The following RBM27 variants were observed in gnomAD, a reference collection of about 807,000 sequenced individuals.
RBM27 encodes RNA binding motif protein 27.
A neutral mutation model predicts 135.3 loss-of-function variants in RBM27; 22 were observed. That is an observed-to-expected ratio of 0.16 (90% CI 0.12 to 0.23). The LOEUF (loss-of-function observed/expected upper bound fraction) is 0.23. Among genes scored for constraint, RBM27 ranks in the 10% least tolerant of loss-of-function variants. The pLI, the probability that RBM27 is intolerant of heterozygous loss-of-function variation, is 1.00. For synonymous variants in RBM27, 481 were observed against 442.4 expected, an observed-to-expected ratio of 1.09 and a Z score of -1.10; for missense variants, 1,009 against 1,281.0, an observed-to-expected ratio of 0.79 and a Z score of 3.24.
intron 2 of RBM27, among the ~76,000 whole-genome samples, chr5:146,219,483 A>G (rs1756349188): frequency 6.6e-6 from 1 of 152,128 alleles, no homozygotes; most frequent in Non-Finnish European, 1.5e-5. Context: ...GGGCTTCTTA[A>G]TATCCAAGAA....
intron 12 of RBM27, among the ~76,000 whole-genome samples, chr5:146,261,108 A>G (rs147270106): frequency 6.6e-6 from 1 of 152,298 alleles, no homozygotes; most frequent in Non-Finnish European, 1.5e-5. Context: ...CTTTTCTGCA[A>G]TCTCTTCCTG....
At chr5:146,279,460 CAAAA>C (rs151135547) in intron 19 of RBM27, among the ~76,000 whole-genome samples, 1 of 131,710 alleles carries the variant, frequency 7.6e-6, no homozygotes. Flanking sequence ...AACAAAAAAA[CAAAA>C]AAAAAACAAA....
chr5:146,264,964 C>A lies in RBM27; in HGVS notation c.2331+1333C>A, dbSNP rs535706652. Among the ~76,000 whole-genome samples the A allele has an allele frequency of 2.5e-3, 380 of 152,070 alleles. 4 individuals are homozygous for A. Among genetic ancestry groups the A allele is most frequent in the African/African-American group, 8.8e-3 (367 of 41,512 alleles). On this transcript the variant is annotated intron_variant, in intron 14 of 20. Transcript: ENST00000265271. Reference sequence around the variant, plus strand: ...ATTATATCATAAACCAGTATAAATTCCAAATGGATCTGAGATTTAGATGCT... The same window carrying A: ...ATTATATCATAAACCAGTATAAATTACAAATGGATCTGAGATTTAGATGCT...
At chr5:146,231,937 AGT>A (rs1756951642) in intron 6 of RBM27, among the ~76,000 whole-genome samples, 1 of 152,138 alleles carries the variant, frequency 6.6e-6, no homozygotes, top group Non-Finnish European at 1.5e-5. Flanking sequence ...TTTTTTGAGT[AGT>A]GTTTGCTGCC....
At position 146,270,504 on chromosome 5, in the gene RBM27, G is replaced by A. The variant is rs996536084; in HGVS notation, c.2692-450G>A. Reference sequence around the variant, plus strand: ...TAAAGAGGTGAAAAAATCATTGGCAGTCATGTCTTTTAAAGACTGATAAAT... The same window carrying A: ...TAAAGAGGTGAAAAAATCATTGGCAATCATGTCTTTTAAAGACTGATAAAT... On this transcript the variant is annotated intron_variant, in intron 17 of 20. Coordinates refer to ENST00000265271, the MANE Select transcript of RBM27 (RefSeq NM_018989.2). Among the ~76,000 whole-genome samples the A allele has an allele frequency of 2.6e-5, 4 of 152,152 alleles. No individual in the cohort carries two copies. In the South Asian group the frequency reaches 8.3e-4, roughly 31 times the overall value.
At chr5:146,239,466 C>CCTTTTTTTTTT (rs1757306585) in intron 8 of RBM27, among the ~76,000 whole-genome samples, 5 of 103,832 alleles carry the variant, frequency 4.8e-5, no homozygotes, top group African/African-American at 1.8e-4. Context: ...TTTTTTTTTT[C>CCTTTTTTTTTT]CTTTTCTTTT....
intron 3 of RBM27, among the ~76,000 whole-genome samples, chr5:146,228,533 C>T (rs779122938): frequency 1.1e-4 from 16 of 151,998 alleles, no homozygotes; most frequent in Admixed American, 2.6e-4. Context: ...CTGCCCGCCC[C>T]GGCCACCCAA....
At chr5:146,265,231 A>C (rs1758565395) in intron 14 of RBM27, among the ~76,000 whole-genome samples, 1 of 152,158 alleles carries the variant, frequency 6.6e-6, no homozygotes, top group African/African-American at 2.4e-5. Flanking sequence ...CTGCAAATGT[A>C]GTATATCTAC....
intron 5 of RBM27, 21 bp from the exon 6 acceptor site, chr5:146,230,622 CTTTGTTTTCTGTTT>C (rs531163007): frequency 0.027 from 43,138 of 1,596,894 alleles, 758 homozygotes; most frequent in South Asian, 0.03. Flanking sequence ...TATCTGATCT[CTTTGTTTTCTGTTT>C]TTAATTTTGT....
intron 2 of RBM27, among the ~76,000 whole-genome samples, chr5:146,221,715 A>T (rs1177294867): frequency 6.6e-6 from 1 of 152,228 alleles, no homozygotes; most frequent in Non-Finnish European, 1.5e-5. Context: ...TACAGGCGTG[A>T]GCCACTGTGC....
chr5:146,222,127 T>C (rs1756485238), intron 2 of RBM27, among the ~76,000 whole-genome samples: 1 of 152,192 alleles, frequency 6.6e-6, no homozygotes, highest in Admixed American at 6.5e-5. Context: ...TTTTGAAGGG[T>C]CTGATTATTG....
intron 1 of RBM27, among the ~76,000 whole-genome samples, chr5:146,205,276 G>C (rs1176610242): frequency 6.6e-6 from 1 of 152,216 alleles, no homozygotes; most frequent in African/African-American, 2.4e-5. Context: ...TACTGGAAGG[G>C]AAAGAATCAT....
chr5:146,266,049 G>A (rs1022706252), intron 14 of RBM27, among the ~76,000 whole-genome samples: 4 of 152,130 alleles, frequency 2.6e-5, no homozygotes, highest in Non-Finnish European at 4.4e-5. Context: ...AGGGACCCAG[G>A]GATCCTTGAA....
chr5:146,281,583 G>A (rs1470431234), intron 19 of RBM27, among the ~76,000 whole-genome samples: 1 of 152,158 alleles, frequency 6.6e-6, no homozygotes, highest in African/African-American at 2.4e-5. Context: ...TTTTAAGAAA[G>A]TTTATGAAAT....
chr5:146,278,907 G>C (rs1759208509), intron 19 of RBM27, among the ~76,000 whole-genome samples: 1 of 151,674 alleles, frequency 6.6e-6, no homozygotes, highest in Non-Finnish European at 1.5e-5. Context: ...ATTTTGAGTA[G>C]AGACGGGGTT....
intron 3 of RBM27, 43 bp from the exon 4 acceptor site, chr5:146,228,903 G>A (rs761053580): frequency 6.1e-5 from 94 of 1,542,330 alleles, no homozygotes; most frequent in Non-Finnish European, 7.8e-5. Context: ...GTGAGCCACC[G>A]TGCCTGGCCC....
At chr5:146,268,952 G>T (rs1758742190) in intron 15 of RBM27, among the ~76,000 whole-genome samples, 1 of 152,134 alleles carries the variant, frequency 6.6e-6, no homozygotes, top group African/African-American at 2.4e-5. Flanking sequence ...TCTTCATAAG[G>T]ACATTCAGGT....
chr5:146,254,194 C>T lies in RBM27; in HGVS notation c.1445-749C>T, dbSNP rs192309362. ...ATTGGGCTGGGCACAGTGACTCACACCTGTAATGCCAACAGTTTGGGAGAC... is the reference window on the plus strand; with the variant it reads ...ATTGGGCTGGGCACAGTGACTCACATCTGTAATGCCAACAGTTTGGGAGAC... On this transcript the variant is annotated intron_variant, in intron 9 of 20. Coordinates refer to ENST00000265271, the MANE Select transcript of RBM27 (RefSeq NM_018989.2). Among the ~76,000 whole-genome samples, 7 of 152,294 alleles carry T rather than the reference C, an allele frequency of 4.6e-5. No homozygotes were observed. The East Asian group carries it at 9.7e-4, about 21-fold the overall frequency.
chr5:146,239,863 G>A (rs976667840), intron 8 of RBM27, among the ~76,000 whole-genome samples: 1 of 147,670 alleles, frequency 6.8e-6, no homozygotes, highest in Admixed American at 6.9e-5. Flanking sequence ...CTGCAGCCTT[G>A]ATCTTCCAGG....
Sources: gnomAD v4.1 joint callset for allele counts (sites outside exome capture counted in the v4.1 genomes callset) on GRCh38, gnomAD v4.1.1 for gene constraint, MANE v1.5 for transcripts, NCBI Gene and HGNC (gene_info 2026-07-23, HGNC 2026-07-21) for gene names.